STRN: variants seen among roughly 807,000 people sequenced by gnomAD.
STRN encodes the protein striatin.
STRN carries 53 observed loss-of-function variants against 96.3 expected under a neutral mutation model. That is an observed-to-expected ratio of 0.55 (90% CI 0.44 to 0.69). STRN has a LOEUF of 0.69. STRN is among the 30% of genes least tolerant of loss of function. The pLI is 0.00. For missense variants in STRN, 987 were observed against 963.9 expected (o/e 1.02, Z -0.32); for synonymous variants, 428 against 355.9 (o/e 1.20, Z -2.28).
At chr2:36,914,653 C>G (rs1232893323) in intron 3 of STRN, among the ~76,000 whole-genome samples, 1 of 152,122 alleles carries the variant, frequency 6.6e-6, no homozygotes, top group Admixed American at 6.5e-5. Flanking sequence ...ATTGGCAGTA[C>G]ATTTAGAAGT....
In STRN at chr2:36,840,622, T is replaced by C. The variant is rs754417943; in HGVS notation, c.*8834A>G. 5 of 151,968 alleles carry C rather than the reference T, an allele frequency of 3.3e-5. No individual in the cohort carries two copies. The highest frequency in any genetic ancestry group is 5.9e-5 in the Non-Finnish European group (4 of 67,990). The allele number at this position is 151,968 out of a possible 1,614,324, so 9.4% of individuals were successfully genotyped here. A position where few individuals can be genotyped will look rare whatever the true frequency, so the allele number is the denominator to read the frequency against. Reference sequence around the variant, plus strand: ...TCTCTGATTACTCAGCCAACAAATATTTATAGGGTACCTTTTATATGGCAA... The same window carrying C: ...TCTCTGATTACTCAGCCAACAAATACTTATAGGGTACCTTTTATATGGCAA... On this transcript the variant is annotated 3_prime_UTR_variant, in exon 18 of 18. Transcript: ENST00000263918.
intron 10 of STRN, among the ~76,000 whole-genome samples, chr2:36,871,023 G>A (rs1197546420): frequency 2.0e-5 from 3 of 152,144 alleles, no homozygotes; most frequent in Admixed American, 6.5e-5. Context: ...AGCTTATAGA[G>A]TAAGGATATA....
At chr2:36,883,884 A>G (rs1669142642) in intron 9 of STRN, 48 bp downstream of exon 9, 3 of 1,310,646 alleles carry the variant, frequency 2.3e-6, no homozygotes, top group Non-Finnish European at 2.9e-6. Flanking sequence ...GAATTTAAAG[A>G]TATACATCCA....
At chr2:36,903,576 C>T (rs544610552) in intron 4 of STRN, among the ~76,000 whole-genome samples, 2 of 152,200 alleles carry the variant, frequency 1.3e-5, no homozygotes, top group African/African-American at 2.4e-5. Flanking sequence ...AGACAAACAT[C>T]GGACATTAAC....
intron 1 of STRN, 109 bp downstream of exon 1, chr2:36,966,121 A>T: frequency 1.6e-6 from 2 of 1,280,870 alleles, no homozygotes; most frequent in Non-Finnish European, 2.0e-6. Flanking sequence ...GGGCGGCAGC[A>T]AAGGGGGAGG....
chr2:36,868,001 C>T, intron 11 of STRN, 140 bp from the exon 12 acceptor site: 1 of 479,906 alleles, frequency 2.1e-6, no homozygotes, highest in Non-Finnish European at 3.6e-6. Context: ...AGAAAGCTTA[C>T]TTAACACCAA....
At chr2:36,876,993 C>T (rs1668932140) in intron 10 of STRN, among the ~76,000 whole-genome samples, 1 of 152,158 alleles carries the variant, frequency 6.6e-6, no homozygotes, top group African/African-American at 2.4e-5. Context: ...CGTGATCCAC[C>T]CGCCTTGGCC....
At chr2:36,934,002 C>A (rs1670639888) in intron 1 of STRN, among the ~76,000 whole-genome samples, 1 of 152,096 alleles carries the variant, frequency 6.6e-6, no homozygotes, top group Non-Finnish European at 1.5e-5. Context: ...GTCCCAGCTA[C>A]TCTGGAGGCT....
intron 1 of STRN, among the ~76,000 whole-genome samples, chr2:36,940,960 CT>C (rs1446636696): frequency 1.4e-4 from 21 of 152,106 alleles, no homozygotes; most frequent in Admixed American, 1.3e-4. Flanking sequence ...TGAGATCTGC[CT>C]GGACAACATG....
chr2:36,953,946 T>C (rs1664819764), intron 1 of STRN, among the ~76,000 whole-genome samples: 1 of 152,034 alleles, frequency 6.6e-6, no homozygotes, highest in Non-Finnish European at 1.5e-5. Flanking sequence ...CAGTGAACTA[T>C]GATCATGCCT....
At chr2:36,929,380 C>T (rs1488095540) in intron 1 of STRN, among the ~76,000 whole-genome samples, 1 of 151,254 alleles carries the variant, frequency 6.6e-6, no homozygotes, top group Non-Finnish European at 1.5e-5. Context: ...TTAAAGCCCC[C>T]CCACCCCTTT....
chr2:36,865,305 T>C (rs1322439267), intron 12 of STRN, among the ~76,000 whole-genome samples: 1 of 152,218 alleles, frequency 6.6e-6, no homozygotes, highest in Non-Finnish European at 1.5e-5. Flanking sequence ...TGTATTTCTG[T>C]GGGGTTGGTG....
intron 1 of STRN, among the ~76,000 whole-genome samples, chr2:36,943,237 C>T (rs1670890670): frequency 6.6e-6 from 1 of 151,862 alleles, no homozygotes; most frequent in Non-Finnish European, 1.5e-5. Context: ...AGAGATACAC[C>T]TCTTTATCCT....
intron 2 of STRN, among the ~76,000 whole-genome samples, chr2:36,917,396 C>G (rs930611976): frequency 6.6e-6 from 1 of 151,542 alleles, no homozygotes. Flanking sequence ...GGTGGTGTAC[C>G]TGTAATCCCA....
At chr2:36,890,730 C>T (rs545338671) in intron 7 of STRN, among the ~76,000 whole-genome samples, 3 of 152,160 alleles carry the variant, frequency 2.0e-5, no homozygotes, top group African/African-American at 7.2e-5. Context: ...GTGATCCACC[C>T]GCCTCGGCCT....
At position 36,849,723 on chromosome 2, in the gene STRN, T is replaced by G. The variant is rs144896416; in HGVS notation, c.2164A>C (p.Met722Leu). 1.9e-6 allele frequency: 3 copies of G among 1,613,840 alleles called. No individual in the cohort carries two copies. Among genetic ancestry groups the G allele is most frequent in the Non-Finnish European group, 2.5e-6 (3 of 1,179,954 alleles). ...TAGTTGAGGTACTTACTGCCAGACA[T>G]CAAGTAAAGGCCATTGGGATCAACT... ...LAVDPNGLYL[M>L]SGSHDCSIRL... The change falls in exon 17 of 18, where the codon ATG (methionine) becomes CTG (leucine). Residue 722 changes from methionine (M) to leucine (L), a missense_variant. Transcript: ENST00000263918.
In STRN at chr2:36,846,093, T is replaced by C. The variant is rs1006086024; in HGVS notation, c.*3363A>G. The C allele has an allele frequency of 2.6e-5, 4 of 150,974 alleles. No homozygotes were observed. The Admixed American group carries it at 2.7e-4, about 10-fold the overall frequency. 9.4% of individuals were successfully genotyped at this position (150,974 alleles called of 1,614,324 possible). A position where few individuals can be genotyped will look rare whatever the true frequency, so the allele number is the denominator to read the frequency against. On this transcript the variant is annotated 3_prime_UTR_variant, in exon 18 of 18. Coordinates refer to ENST00000263918, the MANE Select transcript of STRN (RefSeq NM_003162.4). ...GCCTTCTTGATGATATTTGTTTTTG[T>C]TAAAAAGTCTGAATGTTCAATGGAA...
At chr2:36,958,285 G>A (rs1664944570) in intron 1 of STRN, among the ~76,000 whole-genome samples, 1 of 152,052 alleles carries the variant, frequency 6.6e-6, no homozygotes, top group Admixed American at 6.5e-5. Context: ...AAGGGAACAC[G>A]TCGTCATGAA....
intron 1 of STRN, among the ~76,000 whole-genome samples, chr2:36,937,257 T>C (rs1363847771): frequency 6.8e-6 from 1 of 146,946 alleles, no homozygotes. Flanking sequence ...GGCAGGAGAA[T>C]CGCATGAACC....
Sources: gnomAD v4.1 joint callset for allele counts (sites outside exome capture counted in the v4.1 genomes callset) on GRCh38, gnomAD v4.1.1 for gene constraint, MANE v1.5 for transcripts, NCBI Gene and HGNC (gene_info 2026-07-23, HGNC 2026-07-21) for gene names.